The following UNC5C variants were observed in gnomAD, a reference collection of about 807,000 sequenced individuals.
UNC5C encodes the protein unc-5 netrin receptor C.
A neutral mutation model predicts 99.8 loss-of-function variants in UNC5C; 47 were observed. The ratio of observed to expected loss-of-function variants is 0.47; its 90% confidence interval spans 0.37 to 0.60. The LOEUF is 0.60. Ranked by LOEUF, UNC5C falls within the 20% of genes least tolerant of loss-of-function variation. UNC5C has a pLI of 0.00. For synonymous variants in UNC5C, 487 were observed against 452.2 expected (o/e 1.08, Z -0.98); for missense variants, 1,062 against 1,165.9 (o/e 0.91, Z 1.30).
intron 14 of UNC5C, among the ~76,000 whole-genome samples, chr4:95,181,757 G>A (rs1277422362): frequency 3.3e-5 from 5 of 152,126 alleles, no homozygotes; most frequent in Non-Finnish European, 5.9e-5. Context: ...ACCGCACCTC[G>A]GCAGGCTGTG....
chr4:95,508,956 A>G (rs548802909), intron 1 of UNC5C, among the ~76,000 whole-genome samples: 1 of 152,032 alleles, frequency 6.6e-6, no homozygotes, highest in South Asian at 2.1e-4. Context: ...TTTAATTTTG[A>G]AACTGGTGTT....
At position 95,250,623 on chromosome 4, in the gene UNC5C, A is replaced by G. The variant is rs990952466; in HGVS notation, c.639T>C (p.Asp213=). The change falls in exon 5 of 16, where the codon GAT becomes GAC. Residue 213 remains aspartate (D), a synonymous_variant. Transcript: ENST00000453304. ...KNEDIIDPVE[D]RNFYITIDHN... The stretch of plus-strand genomic sequence containing the variant: ...GATCAATAGTAATATAAAAATTCCG[A>G]TCTTCAACGGGATCAATTATGTCTT... 3 of 1,613,890 alleles carry G rather than the reference A, an allele frequency of 1.9e-6. No homozygotes were observed. In the African/African-American group the frequency reaches 4.0e-5, roughly 22 times the overall value.
chr4:95,413,938 A>C (rs1450496820), intron 1 of UNC5C, among the ~76,000 whole-genome samples: 1 of 152,202 alleles, frequency 6.6e-6, no homozygotes, highest in Non-Finnish European at 1.5e-5. Context: ...TGTCTTTACC[A>C]TCAAAGAAAA....
chr4:95,302,856 T>C (rs1741926843), intron 2 of UNC5C, among the ~76,000 whole-genome samples: 1 of 152,212 alleles, frequency 6.6e-6, no homozygotes, highest in African/African-American at 2.4e-5. Flanking sequence ...AATGAACTTA[T>C]GTTATTGTGA....
intron 1 of UNC5C, among the ~76,000 whole-genome samples, chr4:95,544,284 C>G (rs906562072): frequency 2.6e-5 from 4 of 152,172 alleles, no homozygotes; most frequent in African/African-American, 7.2e-5. Flanking sequence ...CCATTAACAG[C>G]TCTTAGCCTG....
intron 1 of UNC5C, among the ~76,000 whole-genome samples, chr4:95,491,151 A>T (rs1346459434): frequency 1.3e-5 from 2 of 151,656 alleles, no homozygotes; most frequent in Non-Finnish European, 3.0e-5. Context: ...GGGCCAAAAA[A>T]GTGGGTATAT....
chr4:95,230,965 A>AT (rs376306626), intron 7 of UNC5C, among the ~76,000 whole-genome samples: 57 of 152,020 alleles, frequency 3.7e-4, no homozygotes, highest in African/African-American at 1.4e-3. Flanking sequence ...GCTCAATTCA[A>AT]TTTTTTCTTA....
chr4:95,259,574 C>G (rs1161229940), intron 4 of UNC5C, among the ~76,000 whole-genome samples: 5 of 151,998 alleles, frequency 3.3e-5, no homozygotes, highest in South Asian at 4.2e-4. Context: ...GTATGCTAAC[C>G]CTAAATACAT....
intron 15 of UNC5C, 125 bp from the exon 16 acceptor site, chr4:95,169,524 C>G (rs561701515): frequency 3.7e-6 from 4 of 1,079,758 alleles, no homozygotes; most frequent in African/African-American, 3.1e-5. Flanking sequence ...TGACAGTGAG[C>G]CATCCTAAAT....
intron 1 of UNC5C, among the ~76,000 whole-genome samples, chr4:95,545,379 G>C (rs537368079): frequency 3.9e-5 from 6 of 152,000 alleles, no homozygotes; most frequent in Non-Finnish European, 8.8e-5. Context: ...TTTCCTTATT[G>C]CATATTCCTA....
intron 1 of UNC5C, among the ~76,000 whole-genome samples, chr4:95,370,439 C>T (rs1744710201): frequency 6.6e-6 from 1 of 152,030 alleles, no homozygotes; most frequent in South Asian, 2.1e-4. Flanking sequence ...TTCTGATATT[C>T]ACCAATATGC....
At chr4:95,410,078 G>A (rs898799642) in intron 1 of UNC5C, among the ~76,000 whole-genome samples, 1 of 152,126 alleles carries the variant, frequency 6.6e-6, no homozygotes, top group Admixed American at 6.5e-5. Context: ...AGTGATTTTG[G>A]GGTGTTTAGC....
chr4:95,328,075 TTTA>T (rs1321531951), intron 2 of UNC5C, among the ~76,000 whole-genome samples: 32 of 140,736 alleles, frequency 2.3e-4, no homozygotes, highest in African/African-American at 8.2e-4. Flanking sequence ...TTTTTTTTTT[TTTA>T]TTATACTTTA....
intron 1 of UNC5C, among the ~76,000 whole-genome samples, chr4:95,375,985 G>C (rs28555153): frequency 6.6e-6 from 1 of 151,854 alleles, no homozygotes; most frequent in African/African-American, 2.4e-5. Flanking sequence ...CCTGGGAGGC[G>C]GAGCTTGCAG....
intron 1 of UNC5C, among the ~76,000 whole-genome samples, chr4:95,445,420 A>C (rs1747071842): frequency 6.6e-6 from 1 of 152,078 alleles, no homozygotes; most frequent in Non-Finnish European, 1.5e-5. Flanking sequence ...GTTCGGATTC[A>C]GCTGGCATGT....
intron 1 of UNC5C, among the ~76,000 whole-genome samples, chr4:95,430,993 C>T (rs1184158979): frequency 1.3e-5 from 2 of 152,096 alleles, no homozygotes; most frequent in Non-Finnish European, 2.9e-5. Context: ...ACTCACACAT[C>T]ATTCTTCATC....
At chr4:95,465,849 G>T (rs1456936433) in intron 1 of UNC5C, among the ~76,000 whole-genome samples, 1 of 152,044 alleles carries the variant, frequency 6.6e-6, no homozygotes, top group African/African-American at 2.4e-5. Flanking sequence ...TCTCCTTTCT[G>T]CACTCCTGCC....
intron 7 of UNC5C, among the ~76,000 whole-genome samples, chr4:95,224,152 G>A (rs1192173409): frequency 2.6e-5 from 4 of 152,128 alleles, no homozygotes; most frequent in South Asian, 2.1e-4. Flanking sequence ...GCATGGTGGC[G>A]CGTGCCTGTG....
chr4:95,458,947 T>C (rs1008015553), intron 1 of UNC5C, among the ~76,000 whole-genome samples: 1 of 152,074 alleles, frequency 6.6e-6, no homozygotes, highest in African/African-American at 2.4e-5. Context: ...TATAGAATTA[T>C]AATTTATTGG....
Sources: allele counts gnomAD v4.1 joint callset (sites outside exome capture counted in the v4.1 genomes callset), GRCh38; gene constraint gnomAD v4.1.1; transcripts MANE v1.5; gene names NCBI Gene and HGNC (gene_info 2026-07-23, HGNC 2026-07-21).